IL1RAPL1: variants seen among roughly 807,000 people sequenced by gnomAD.
IL1RAPL1 encodes the protein interleukin 1 receptor accessory protein like 1, also known as interleukin-1 receptor accessory protein-like 1.
In IL1RAPL1, 3 loss-of-function variants were observed where a neutral mutation model predicts 48.4. The ratio of observed to expected loss-of-function variants is 0.06; its 90% CI spans 0.03 to 0.16. The LOEUF is 0.16. IL1RAPL1 is among the 10% of genes least tolerant of loss of function. IL1RAPL1 has a pLI of 1.00. For synonymous variants in IL1RAPL1, 185 were observed against 187.7 expected, an observed-to-expected ratio of 0.99 and a Z score of 0.12; for missense variants, 349 against 530.6, an observed-to-expected ratio of 0.66 and a Z score of 3.36.
intron 2 of IL1RAPL1, among the ~76,000 whole-genome samples, chrX:29,221,620 TACACACACACACACACACACACACAC>T (rs35088625): frequency 2.8e-4 from 22 of 79,563 alleles, no homozygotes; most frequent in East Asian, 2.3e-3. Flanking sequence ...TACACACACA[TACACACACACACACACACACACACAC>T]ACACACACAC....
intron 2 of IL1RAPL1, among the ~76,000 whole-genome samples, chrX:29,163,245 T>A (rs1929723899): frequency 9.0e-6 from 1 of 111,079 alleles, no homozygotes; most frequent in Non-Finnish European, 1.9e-5. Context: ...AGGCTGGAAA[T>A]ACAGCATGAT....
At chrX:28,617,812 AATT>A (rs1397718680) in intron 1 of IL1RAPL1, among the ~76,000 whole-genome samples, 1 of 112,023 alleles carries the variant, frequency 8.9e-6, no homozygotes, top group Non-Finnish European at 1.9e-5. Context: ...GCAGGAGAGA[AATT>A]ATTATTATTT....
rs1391069981 is a variant in IL1RAPL1, at chrX:29,439,551, A to C, written c.703+40243A>C. Among the ~76,000 whole-genome samples, 4 of 111,504 alleles carry C rather than the reference A, an allele frequency of 3.6e-5. No homozygotes were observed. In the Admixed American group the frequency reaches 3.8e-4, roughly 11 times the overall value. On this transcript the variant is annotated intron_variant, in intron 5 of 10. Transcript: ENST00000378993. The stretch of plus-strand genomic sequence containing the variant: ...TTACAATGAGGGAGTGAAGAACTGG[A>C]AGCTATTATTCAATTTTCCTTTGAC...
chrX:29,157,590 G>A (rs1020208438), intron 2 of IL1RAPL1, among the ~76,000 whole-genome samples: 3 of 111,098 alleles, frequency 2.7e-5, no homozygotes, highest in Non-Finnish European at 5.7e-5. Context: ...ATATTATTGT[G>A]CTGCTTTGTT....
chrX:28,665,168 C>T (rs770741863), intron 1 of IL1RAPL1, among the ~76,000 whole-genome samples: 31 of 110,892 alleles, frequency 2.8e-4, no homozygotes, highest in Middle Eastern at 4.2e-3. Context: ...ACATCTCTGA[C>T]CAACAACTAG....
At chrX:29,644,858 C>T (rs138348474) in intron 5 of IL1RAPL1, among the ~76,000 whole-genome samples, 11,810 of 112,525 alleles carry the variant, frequency 0.1, 537 homozygotes, top group Middle Eastern at 0.21. Flanking sequence ...AGAGCCACCA[C>T]GCCCAGCCTC....
At chrX:29,801,946 T>C (rs1929916247) in intron 6 of IL1RAPL1, among the ~76,000 whole-genome samples, 1 of 112,506 alleles carries the variant, frequency 8.9e-6, no homozygotes, top group Non-Finnish European at 1.9e-5. Context: ...TCATTTATAG[T>C]TACAGGAAAT....
intron 2 of IL1RAPL1, among the ~76,000 whole-genome samples, chrX:29,192,686 T>A (rs1210557052): frequency 8.9e-6 from 1 of 112,140 alleles, no homozygotes; most frequent in East Asian, 2.8e-4. Flanking sequence ...TAAAATGTGA[T>A]TCCACTAAAA....
At chrX:29,271,767 C>T (rs776018626) in intron 2 of IL1RAPL1, among the ~76,000 whole-genome samples, 16 of 111,833 alleles carry the variant, frequency 1.4e-4, no homozygotes, top group East Asian at 5.6e-4. Flanking sequence ...GGATATTACA[C>T]CTTTGTTGGA....
At chrX:29,136,396 G>A (rs892145908) in intron 2 of IL1RAPL1, among the ~76,000 whole-genome samples, 17 of 111,538 alleles carry the variant, frequency 1.5e-4, no homozygotes, top group African/African-American at 5.2e-4. Context: ...CAAAGGGCTG[G>A]GATTACAGGC....
intron 2 of IL1RAPL1, among the ~76,000 whole-genome samples, chrX:28,957,568 A>T (rs1924648075): frequency 9.0e-6 from 1 of 111,485 alleles, no homozygotes; most frequent in South Asian, 3.7e-4. Flanking sequence ...TCTTTTACAC[A>T]ACACCAGCCT....
intron 6 of IL1RAPL1, among the ~76,000 whole-genome samples, chrX:29,786,044 C>T (rs1234160126): frequency 5.6e-5 from 6 of 106,696 alleles, no homozygotes; most frequent in African/African-American, 2.1e-4. Flanking sequence ...GGGGGGAGGC[C>T]ACAGTGTGGG....
In IL1RAPL1 at chrX:29,054,530, C is replaced by G. The variant is rs150777906; in HGVS notation, c.83-228408C>G. 1.5e-3 allele frequency among the ~76,000 whole-genome samples: 166 copies of G among 110,848 alleles called. 1 individual carries two copies. The highest frequency in any genetic ancestry group is 5.2e-3 in the African/African-American group (158 of 30,488). On this transcript the variant is annotated intron_variant, in intron 2 of 10. Coordinates refer to ENST00000378993, the MANE Select transcript of IL1RAPL1 (RefSeq NM_014271.4). ...AGACTGATTCATAAATTAGGCAGCA[C>G]CAAATCACAAGCTGTATGGGCTCCA...
At chrX:29,609,988 G>A (rs985548561) in intron 5 of IL1RAPL1, among the ~76,000 whole-genome samples, 2 of 111,281 alleles carry the variant, frequency 1.8e-5, no homozygotes, top group South Asian at 3.8e-4. Context: ...TGAAGAGAGA[G>A]TGATTGGCAG....
chrX:29,166,575 A>G (rs1178921170), intron 2 of IL1RAPL1, among the ~76,000 whole-genome samples: 1 of 111,685 alleles, frequency 9.0e-6, no homozygotes, highest in Non-Finnish European at 1.9e-5. Flanking sequence ...CTATTTTTTA[A>G]TGTGTAAAAT....
Position 29,881,635 on chromosome X carries a change from C to T in IL1RAPL1, c.779-35829C>T, listed in dbSNP as rs763269658. On this transcript the variant is annotated intron_variant, in intron 6 of 10. Transcript: ENST00000378993. ...ATACAGGCATGCAATGTGAAATAAG[C>T]ACATCATGGAGAATGGGGTATCCAT... Among the ~76,000 whole-genome samples, 7 of 110,431 alleles carry T rather than the reference C, an allele frequency of 6.3e-5. No homozygotes were observed. The East Asian group carries it at 8.6e-4, about 14-fold the overall frequency.
chrX:28,967,560 T>C (rs187119771), intron 2 of IL1RAPL1, among the ~76,000 whole-genome samples: 1 of 111,646 alleles, frequency 9.0e-6, no homozygotes, highest in Admixed American at 9.6e-5. Flanking sequence ...TACCTTTAAA[T>C]CTTTTGTCTT....
intron 5 of IL1RAPL1, among the ~76,000 whole-genome samples, chrX:29,517,906 A>C (rs374213340): frequency 4.5e-5 from 5 of 111,897 alleles, no homozygotes; most frequent in Non-Finnish European, 9.4e-5. Flanking sequence ...TTTGGTTTCT[A>C]GGAAAGTATA....
At chrX:29,635,790 T>C (rs2147082133) in intron 5 of IL1RAPL1, among the ~76,000 whole-genome samples, 1 of 104,121 alleles carries the variant, frequency 9.6e-6, no homozygotes, top group South Asian at 4.3e-4. Flanking sequence ...AAATGGATGC[T>C]TCCGGAAAAA....
Sources: allele counts gnomAD v4.1 joint callset (sites outside exome capture counted in the v4.1 genomes callset), GRCh38; gene constraint gnomAD v4.1.1; transcripts MANE v1.5; gene names NCBI Gene and HGNC (gene_info 2026-07-23, HGNC 2026-07-21).